Variants in CD8B2 observed in about 807,000 individuals in gnomAD.
CD8B2 encodes the protein T-cell surface glycoprotein CD8 beta-2 chain.
A neutral mutation model predicts 23.7 loss-of-function variants in CD8B2; 11 were observed. That is an observed-to-expected ratio of 0.46 (90% CI 0.29 to 0.77). The LOEUF (loss-of-function observed/expected upper bound fraction) is 0.77, where lower values mean the gene tolerates loss of function less well. Among genes scored for constraint, CD8B2 ranks in the 30% least tolerant of loss-of-function variants. CD8B2 has a pLI of 0.09. For missense variants in CD8B2, 197 were observed against 270.5 expected, an observed-to-expected ratio of 0.73 and a Z score of 1.91; for synonymous variants, 90 against 109.3, an observed-to-expected ratio of 0.82 and a Z score of 1.10.
rs1208865073 is a variant in CD8B2, at chr2:106,506,949, T to A, written c.*9T>A. 6.2e-7 allele frequency: 1 copy of A among 1,601,874 alleles called. No homozygotes were observed. The highest frequency in any genetic ancestry group is 8.5e-7 in the Non-Finnish European group (1 of 1,174,734). On this transcript the variant is annotated 3_prime_UTR_variant, in exon 6 of 6. Coordinates refer to ENST00000643224, the MANE Select transcript of CD8B2 (RefSeq NM_001349727.2). ...TCAGATTTTACAAATGAGCAGAGAA[T>A]ACGGTTTTGGTGTCCTGCTACAAAA...
At chr2:106,503,718 G>C (rs1679456327) in intron 4 of CD8B2, among the ~76,000 whole-genome samples, 1 of 124,740 alleles carries the variant, frequency 8.0e-6, no homozygotes, top group Non-Finnish European at 1.8e-5. Context: ...AGGATCACTT[G>C]AGCCCAGGAG....
intron 5 of CD8B2, among the ~76,000 whole-genome samples, chr2:106,538,850 T>A (rs1200041572): frequency 2.6e-5 from 4 of 151,086 alleles, no homozygotes; most frequent in African/African-American, 9.7e-5. Flanking sequence ...TTCCTTGCCC[T>A]TCCTCATCAG....
chr2:106,517,534 AG>A (rs1190855785), intron 5 of CD8B2, among the ~76,000 whole-genome samples: 2 of 151,882 alleles, frequency 1.3e-5, no homozygotes, highest in African/African-American at 4.8e-5. Flanking sequence ...TGAAAATCCA[AG>A]TCTTAATTGC....
chr2:106,541,671 T>C (rs975300753), intron 5 of CD8B2, among the ~76,000 whole-genome samples: 2 of 152,060 alleles, frequency 1.3e-5, no homozygotes, highest in Non-Finnish European at 1.5e-5. Context: ...AAGGTGGGAG[T>C]GCATTACATA....
chr2:106,535,443 T>A (rs191026030), intron 5 of CD8B2: 1 of 137,632 alleles, frequency 7.3e-6, no homozygotes, highest in Non-Finnish European at 1.5e-5. Context: ...GCAAAGAAGG[T>A]CCTTGTGTAG....
At chr2:106,497,460 C>A (rs1326042692) in intron 3 of CD8B2, among the ~76,000 whole-genome samples, 1 of 152,166 alleles carries the variant, frequency 6.6e-6, no homozygotes, top group African/African-American at 2.4e-5. Flanking sequence ...TTTCCTTAAA[C>A]CCATCAGCCC....
chr2:106,519,737 G>A (rs1679793685), intron 5 of CD8B2, among the ~76,000 whole-genome samples: 1 of 152,138 alleles, frequency 6.6e-6, no homozygotes, highest in Non-Finnish European at 1.5e-5. Context: ...GAACTGTCTT[G>A]GGCCACACAT....
At chr2:106,523,395 G>A (rs554764454) in intron 5 of CD8B2, among the ~76,000 whole-genome samples, 32 of 152,300 alleles carry the variant, frequency 2.1e-4, no homozygotes, top group African/African-American at 6.0e-4. Context: ...TAGCAGGGGG[G>A]GTCAACTACT....
chr2:106,522,409 A>C (rs1679840798), intron 5 of CD8B2, among the ~76,000 whole-genome samples: 1 of 152,232 alleles, frequency 6.6e-6, no homozygotes, highest in Non-Finnish European at 1.5e-5. Flanking sequence ...ATTTTTGTGA[A>C]GAATAAGTCA....
chr2:106,533,493 C>T (rs954177838), intron 5 of CD8B2, among the ~76,000 whole-genome samples: 3 of 151,998 alleles, frequency 2.0e-5, no homozygotes, highest in Admixed American at 6.6e-5. Flanking sequence ...TCAGAGACCC[C>T]GTGCTACACA....
At chr2:106,511,989 A>C (rs1270968763), downstream of CD8B2, among the ~76,000 whole-genome samples, 2 of 152,180 alleles carry the variant, frequency 1.3e-5, no homozygotes, top group Non-Finnish European at 2.9e-5. Context: ...TTTTCCCATT[A>C]GTTTACTGCC....
intron 5 of CD8B2, among the ~76,000 whole-genome samples, chr2:106,528,500 A>G (rs1014949029): frequency 6.6e-6 from 1 of 152,200 alleles, no homozygotes; most frequent in Non-Finnish European, 1.5e-5. Flanking sequence ...TTGTTCCAGC[A>G]CCACTTATTG....
intron 2 of CD8B2, among the ~76,000 whole-genome samples, chr2:106,493,064 G>GT (rs960640772): frequency 6.6e-5 from 10 of 152,044 alleles, no homozygotes; most frequent in African/African-American, 2.4e-4. Context: ...CCTGACTTCA[G>GT]TGTTTCCAAA....
At chr2:106,525,431 A>G (rs752733061) in intron 5 of CD8B2, among the ~76,000 whole-genome samples, 4 of 152,222 alleles carry the variant, frequency 2.6e-5, no homozygotes, top group Non-Finnish European at 5.9e-5. Flanking sequence ...CTGAAGCATC[A>G]TACAGCAATT....
At chr2:106,490,845 G>A in intron 1 of CD8B2, 29 bp from the exon 2 acceptor site, 1 of 1,550,516 alleles carries the variant, frequency 6.4e-7, no homozygotes, top group Non-Finnish European at 8.7e-7. Context: ...AGGAAAATGT[G>A]CGATGTCTCT....
At chr2:106,533,389 A>G (rs2104574468) in intron 5 of CD8B2, among the ~76,000 whole-genome samples, 1 of 152,322 alleles carries the variant, frequency 6.6e-6, no homozygotes, top group East Asian at 1.9e-4. Context: ...ATTGATTCTG[A>G]ATATTAAAAG....
intron 5 of CD8B2, among the ~76,000 whole-genome samples, chr2:106,533,308 A>G (rs1680019123): frequency 6.6e-6 from 1 of 152,224 alleles, no homozygotes; most frequent in African/African-American, 2.4e-5. Context: ...TTAAAGGAAC[A>G]GGACGAAACT....
intron 5 of CD8B2, among the ~76,000 whole-genome samples, chr2:106,536,243 G>A (rs904906259): frequency 6.6e-6 from 1 of 151,978 alleles, no homozygotes; most frequent in Non-Finnish European, 1.5e-5. Context: ...TGTTGGTCAG[G>A]CTGGTCTCGA....
chr2:106,528,713 ACTGT>A (rs1679949434), intron 5 of CD8B2, among the ~76,000 whole-genome samples: 3 of 152,200 alleles, frequency 2.0e-5, no homozygotes, highest in African/African-American at 7.2e-5. Flanking sequence ...GTATCAATAA[ACTGT>A]GTGGCAGACA....
Sources: allele counts gnomAD v4.1 joint callset (sites outside exome capture counted in the v4.1 genomes callset), GRCh38; gene constraint gnomAD v4.1.1; transcripts MANE v1.5; gene names NCBI Gene and HGNC (gene_info 2026-07-23, HGNC 2026-07-21).